The following STUM variants were observed in gnomAD, a reference collection of about 807,000 sequenced individuals.
The protein encoded by STUM is stum, mechanosensory transduction mediator homolog, also known as protein stum homolog.
STUM carries 8 observed loss-of-function variants against 15.3 expected under a neutral mutation model. The observed-to-expected ratio is 0.52, with a 90% CI of 0.31 to 0.94. The LOEUF is 0.94. STUM is among the 40% of genes least tolerant of loss of function. The probability of loss-of-function intolerance (pLI) is 0.05; values close to 1 mark genes in which losing one functional copy is unlikely to be tolerated. For synonymous variants in STUM, 78 were observed against 88.7 expected (o/e 0.88, Z 0.68); for missense variants, 142 against 204.9 (o/e 0.69, Z 1.87).
intron 1 of STUM, among the ~76,000 whole-genome samples, chr1:226,584,960 C>A (rs1667973802): frequency 6.6e-6 from 1 of 152,204 alleles, no homozygotes; most frequent in South Asian, 2.1e-4. Flanking sequence ...TTAATACACT[C>A]CAGTCTTTGT....
At chr1:226,554,657 G>T (rs72752509) in intron 1 of STUM, among the ~76,000 whole-genome samples, 20,923 of 152,178 alleles carry the variant, frequency 0.14, 1,621 homozygotes, top group African/African-American at 0.21. Context: ...ACTCTTTGGA[G>T]ACTGGGGAAG....
intron 1 of STUM, among the ~76,000 whole-genome samples, chr1:226,593,914 T>C (rs116368949): frequency 2.7e-4 from 41 of 152,278 alleles, no homozygotes; most frequent in Admixed American, 1.1e-3. Flanking sequence ...CCCGCATTTT[T>C]AACAAATGCC....
rs528507316 is a variant in STUM at position 226,564,445 on chromosome 1, C to T, written c.202+15339C>T. ...GGTTCCCTTCCCAGCATCATGGGAG[C>T]GGACTGCCACCAATCATGGGGGGAA... On this transcript the variant is annotated intron_variant, in intron 1 of 3. Transcript: ENST00000366788. Among the ~76,000 whole-genome samples the T allele has an allele frequency of 1.2e-4, 18 of 152,250 alleles. No individual in the cohort carries two copies. The South Asian group carries it at 1.7e-3, about 14-fold the overall frequency.
intron 1 of STUM, among the ~76,000 whole-genome samples, chr1:226,564,746 G>A (rs16846117): frequency 0.15 from 22,173 of 152,068 alleles, 1,886 homozygotes; most frequent in African/African-American, 0.24. Flanking sequence ...GCTGGGAAAC[G>A]TGCCCCTTTC....
intron 1 of STUM, among the ~76,000 whole-genome samples, chr1:226,550,892 T>C (rs544723119): frequency 1.3e-5 from 2 of 152,324 alleles, no homozygotes; most frequent in South Asian, 2.1e-4. Context: ...GATCCAGCTT[T>C]TCCCTTTGTG....
intron 1 of STUM, among the ~76,000 whole-genome samples, chr1:226,559,770 G>A (rs574432185): frequency 6.6e-5 from 10 of 152,316 alleles, no homozygotes; most frequent in South Asian, 2.1e-4. Flanking sequence ...TCAGGAGATC[G>A]AGACCATCCT....
At position 226,602,259 on chromosome 1, in the gene STUM, C is replaced by A; in HGVS notation, c.*219C>A. 5.3e-6 allele frequency: 3 copies of A among 563,140 alleles called. No individual in the cohort carries two copies. The highest frequency in any genetic ancestry group is 9.5e-6 in the Non-Finnish European group (3 of 315,240). 34.9% of individuals were successfully genotyped at this position (563,140 alleles called of 1,614,324 possible). On this transcript the variant is annotated 3_prime_UTR_variant, in exon 4 of 4. Coordinates refer to ENST00000366788, the MANE Select transcript of STUM (RefSeq NM_001003665.4). ...CTCCTGCTCTGGAAAGCACTGTGGG[C>A]GCAGGCACCAGAGCATCAGAGAGTG...
intron 1 of STUM, among the ~76,000 whole-genome samples, chr1:226,572,421 G>T (rs1667724737): frequency 6.6e-6 from 1 of 152,240 alleles, no homozygotes; most frequent in Admixed American, 6.5e-5. Flanking sequence ...CTGGGCTTCA[G>T]TGGAAACCAG....
intron 1 of STUM, among the ~76,000 whole-genome samples, chr1:226,589,453 C>G (rs548461915): frequency 1.2e-4 from 19 of 152,260 alleles, no homozygotes; most frequent in East Asian, 3.9e-4. Flanking sequence ...AGCCTGGGCC[C>G]GGAGCTCCTT....
intron 1 of STUM, among the ~76,000 whole-genome samples, chr1:226,593,557 G>A (rs151132788): frequency 1.2e-3 from 187 of 152,280 alleles, no homozygotes; most frequent in African/African-American, 3.2e-3. Flanking sequence ...CTTGAGGGCA[G>A]GGGTTCAGTT....
intron 1 of STUM, among the ~76,000 whole-genome samples, chr1:226,577,239 A>G (rs1321594079): frequency 2.0e-5 from 3 of 152,238 alleles, no homozygotes; most frequent in Non-Finnish European, 2.9e-5. Context: ...CAGCCAGTGC[A>G]GGGAAGAGAG....
At chr1:226,562,619 G>T (rs1339732758) in intron 1 of STUM, among the ~76,000 whole-genome samples, 2 of 152,152 alleles carry the variant, frequency 1.3e-5, no homozygotes, top group African/African-American at 2.4e-5. Context: ...CTAGCCAGGG[G>T]TTCATAAACT....
At chr1:226,601,743 T>C (rs1668270806) in intron 3 of STUM, among the ~76,000 whole-genome samples, 1 of 152,240 alleles carries the variant, frequency 6.6e-6, no homozygotes, top group Non-Finnish European at 1.5e-5. Context: ...CAGGAGCATG[T>C]CGATAGCCTT....
chr1:226,586,816 G>A (rs1363384555), intron 1 of STUM, among the ~76,000 whole-genome samples: 1 of 152,078 alleles, frequency 6.6e-6, no homozygotes. Context: ...CACCAGACTG[G>A]CCACCCTTAA....
chr1:226,556,564 T>G (rs1220500957), intron 1 of STUM, among the ~76,000 whole-genome samples: 1 of 151,976 alleles, frequency 6.6e-6, no homozygotes, highest in African/African-American at 2.4e-5. Flanking sequence ...CCGTTTCGAG[T>G]TCAACATTAG....
rs562875687 is a variant in STUM, at chr1:226,565,487, G to A, written c.202+16381G>A. ...TTCTCATCCCACCCACCTCCACCTGGTTTTCCTAAAGATGTTGGTTTCTAA... is the reference window on the plus strand; with the variant it reads ...TTCTCATCCCACCCACCTCCACCTGATTTTCCTAAAGATGTTGGTTTCTAA... On this transcript the variant is annotated intron_variant, in intron 1 of 3. Transcript: ENST00000366788. The surrounding 1 kb of genome is among the most constrained non-coding windows in gnomAD (Gnocchi z 4.4). Among the ~76,000 whole-genome samples, 1 of 152,234 alleles carries A rather than the reference G, an allele frequency of 6.6e-6. No individual in the cohort carries two copies. The highest frequency in any genetic ancestry group is 2.4e-5 in the African/African-American group (1 of 41,530).
At chr1:226,597,096 T>C in intron 2 of STUM, 115 bp downstream of exon 2, 1 of 1,015,232 alleles carries the variant, frequency 9.8e-7, no homozygotes, top group Non-Finnish European at 1.5e-6. Context: ...GCACGGGCTC[T>C]GGAGAGGGCT....
intron 1 of STUM, among the ~76,000 whole-genome samples, chr1:226,559,387 G>C (rs16846102): frequency 0.15 from 23,122 of 152,182 alleles, 2,124 homozygotes; most frequent in African/African-American, 0.26. Context: ...CACGTCGAAG[G>C]CTCTGACCCA....
chr1:226,570,724 G>A (rs1484135983), intron 1 of STUM, among the ~76,000 whole-genome samples: 1 of 152,160 alleles, frequency 6.6e-6, no homozygotes, highest in Non-Finnish European at 1.5e-5. Context: ...ATATGTGAAG[G>A]GTGAGGGCTG....
Sources: allele counts gnomAD v4.1 joint callset (sites outside exome capture counted in the v4.1 genomes callset), GRCh38; gene constraint gnomAD v4.1.1; non-coding constraint Gnocchi (gnomAD v3.1); transcripts MANE v1.5; gene names NCBI Gene and HGNC (gene_info 2026-07-23, HGNC 2026-07-21).